Variants in GNAQ observed in about 807,000 individuals in gnomAD.
GNAQ encodes G protein subunit alpha q, also known as guanine nucleotide-binding protein G(q) subunit alpha.
Under a neutral mutation model 43.9 loss-of-function variants are expected in GNAQ, and 8 were observed. The observed-to-expected ratio is 0.18, with a 90% CI of 0.11 to 0.33. GNAQ has a LOEUF of 0.33. GNAQ is among the 10% of genes least tolerant of loss of function. The pLI, the probability that GNAQ is intolerant of heterozygous loss-of-function variation, is 1.00. For missense variants in GNAQ, 158 were observed against 450.8 expected (o/e 0.35, Z 5.88); for synonymous variants, 155 against 170.7 (o/e 0.91, Z 0.71).
intron 5 of GNAQ, among the ~76,000 whole-genome samples, chr9:77,765,445 A>G (rs1469951011): frequency 6.6e-6 from 1 of 152,234 alleles, no homozygotes; most frequent in Non-Finnish European, 1.5e-5. Context: ...ACCTGAATCA[A>G]AAATGGGCAA....
At chr9:77,781,977 A>C (rs74581694) in intron 5 of GNAQ, among the ~76,000 whole-genome samples, 2,134 of 152,262 alleles carry the variant, frequency 0.014, 46 homozygotes, top group African/African-American at 0.049. Context: ...GTCTCCTCTC[A>C]ACACTCCTTT....
chr9:77,812,797 T>C (rs966259178), intron 3 of GNAQ, among the ~76,000 whole-genome samples: 1 of 152,118 alleles, frequency 6.6e-6, no homozygotes, highest in African/African-American at 2.4e-5. Context: ...TGTAAGTACA[T>C]GTTGTTAGAA....
At chr9:77,950,224 C>T (rs1471603559) in intron 1 of GNAQ, among the ~76,000 whole-genome samples, 2 of 152,206 alleles carry the variant, frequency 1.3e-5, no homozygotes, top group Non-Finnish European at 2.9e-5. Context: ...TCATGAAATT[C>T]TCAATTCCTT....
rs17789364 is a variant in GNAQ at position 77,960,783 on chromosome 9, T to A, written c.137-38438A>T. Among the ~76,000 whole-genome samples, 770 of 115,632 alleles carry A rather than the reference T, an allele frequency of 6.7e-3. 3 individuals carry two copies. The highest frequency in any genetic ancestry group is 0.026 in the South Asian group (71 of 2,688). 75.9% of individuals were successfully genotyped at this position (115,632 alleles called of 152,430 possible). On this transcript the variant is annotated intron_variant, in intron 1 of 6. Transcript: ENST00000286548. ...AAGTATCACTTTAACCTAAAAAAAA[T>A]GATCTATTCACTACACTAGAATAAA...
At chr9:77,824,698 T>C (rs2118534612) in intron 2 of GNAQ, among the ~76,000 whole-genome samples, 1 of 152,338 alleles carries the variant, frequency 6.6e-6, no homozygotes, top group East Asian at 1.9e-4. Flanking sequence ...GCATTTACTG[T>C]AGCAATCAAA....
At chr9:77,732,512 T>A (rs967513147) in intron 5 of GNAQ, among the ~76,000 whole-genome samples, 7 of 152,006 alleles carry the variant, frequency 4.6e-5, no homozygotes, top group African/African-American at 1.7e-4. Context: ...ACTACAGGTG[T>A]CCGCCACCAC....
intron 5 of GNAQ, among the ~76,000 whole-genome samples, chr9:77,757,580 C>T (rs1825924395): frequency 6.6e-6 from 1 of 152,132 alleles, no homozygotes; most frequent in African/African-American, 2.4e-5. Context: ...CCAATTCGTG[C>T]CAACATAAAA....
chr9:78,022,638 G>C (rs1823925241), intron 1 of GNAQ, among the ~76,000 whole-genome samples: 1 of 152,160 alleles, frequency 6.6e-6, no homozygotes, highest in African/African-American at 2.4e-5. Context: ...AGACAAGAGA[G>C]TTAAACCTGG....
At chr9:78,019,995 CT>C (rs1002006674) in intron 1 of GNAQ, among the ~76,000 whole-genome samples, 4 of 151,344 alleles carry the variant, frequency 2.6e-5, no homozygotes, top group African/African-American at 9.7e-5. Flanking sequence ...AAAGTCTGCT[CT>C]TAGGCTTGGA....
At chr9:77,750,574 G>A (rs959211997) in intron 5 of GNAQ, among the ~76,000 whole-genome samples, 3 of 152,122 alleles carry the variant, frequency 2.0e-5, no homozygotes, top group Non-Finnish European at 4.4e-5. Context: ...AAATGGCACA[G>A]CTCAAACTTC....
chr9:77,732,925 C>A (rs1825518992), intron 5 of GNAQ, among the ~76,000 whole-genome samples: 1 of 152,114 alleles, frequency 6.6e-6, no homozygotes, highest in African/African-American at 2.4e-5. Context: ...GAAGGGAGGA[C>A]CAAAGAGGCC....
At chr9:77,833,862 A>G (rs1416636049) in intron 2 of GNAQ, among the ~76,000 whole-genome samples, 2 of 152,228 alleles carry the variant, frequency 1.3e-5, no homozygotes, top group African/African-American at 4.8e-5. Context: ...TAGTTAAAGT[A>G]TGAAAGACTT....
At chr9:77,883,262 G>C (rs1440598655) in intron 2 of GNAQ, among the ~76,000 whole-genome samples, 1 of 152,110 alleles carries the variant, frequency 6.6e-6, no homozygotes, top group Non-Finnish European at 1.5e-5. Flanking sequence ...GCCTCTGCCA[G>C]TGGCCAGGGA....
intron 1 of GNAQ, among the ~76,000 whole-genome samples, chr9:78,013,977 G>A (rs969307394): frequency 2.6e-5 from 4 of 152,048 alleles, no homozygotes; most frequent in African/African-American, 9.7e-5. Context: ...TCCCATGCAG[G>A]GGAGGGACAT....
intron 3 of GNAQ, among the ~76,000 whole-genome samples, chr9:77,812,722 GTAT>G (rs1826947162): frequency 2.0e-5 from 3 of 152,090 alleles, no homozygotes; most frequent in Non-Finnish European, 4.4e-5. Context: ...GTATAATAAT[GTAT>G]TATTATTTAG....
intron 1 of GNAQ, among the ~76,000 whole-genome samples, chr9:77,928,082 C>T (rs1829095153): frequency 6.6e-6 from 1 of 152,192 alleles, no homozygotes; most frequent in Non-Finnish European, 1.5e-5. Flanking sequence ...CATCATCAAT[C>T]CACACCTGCA....
At chr9:77,727,682 C>T (rs1033812356) in intron 6 of GNAQ, among the ~76,000 whole-genome samples, 11 of 152,156 alleles carry the variant, frequency 7.2e-5, no homozygotes, top group African/African-American at 2.7e-4. Flanking sequence ...TCATGCTAAA[C>T]GTACACATAT....
intron 2 of GNAQ, among the ~76,000 whole-genome samples, chr9:77,876,873 CAACTT>C (rs534902050): frequency 9.2e-5 from 14 of 152,310 alleles, no homozygotes; most frequent in South Asian, 4.1e-4. Context: ...GCGATAGTCT[CAACTT>C]GACTTTCTTT....
chr9:77,808,824 C>A (rs185759406), intron 3 of GNAQ, among the ~76,000 whole-genome samples: 2 of 151,908 alleles, frequency 1.3e-5, no homozygotes, highest in East Asian at 3.9e-4. Flanking sequence ...CACCATACAA[C>A]GGTCTTATCT....
Sources: allele counts gnomAD v4.1 joint callset (sites outside exome capture counted in the v4.1 genomes callset), GRCh38; gene constraint gnomAD v4.1.1; transcripts MANE v1.5; gene names NCBI Gene and HGNC (gene_info 2026-07-23, HGNC 2026-07-21).